Variants in CHRDL1 observed in about 807,000 individuals in gnomAD.
CHRDL1 encodes the protein chordin like 1.
Under a neutral mutation model 40.9 loss-of-function variants are expected in CHRDL1, and 19 were observed. That is an observed-to-expected ratio of 0.46 (90% CI 0.32 to 0.68). The LOEUF is 0.68. Ranked by LOEUF, CHRDL1 falls within the 30% of genes least tolerant of loss-of-function variation. The pLI is 0.03. For missense variants in CHRDL1, 329 were observed against 352.1 expected (o/e 0.93, Z 0.53); for synonymous variants, 136 against 123.4 (o/e 1.10, Z -0.68).
intron 3 of CHRDL1, among the ~76,000 whole-genome samples, chrX:110,761,828 T>C (rs755056125): frequency 8.9e-6 from 1 of 112,526 alleles, no homozygotes; most frequent in Non-Finnish European, 1.9e-5. Flanking sequence ...GCTTTATCTA[T>C]TGCAAAGATG....
At chrX:110,689,640 A>ATATATC (rs1569461901) in intron 8 of CHRDL1, among the ~76,000 whole-genome samples, 1 of 13,528 alleles carries the variant, frequency 7.4e-5, no homozygotes. Context: ...CTATATATCT[A>ATATATC]TATATATCTA....
intron 8 of CHRDL1, 46 bp from the exon 9 acceptor site, chrX:110,688,849 A>C (rs752803439): frequency 2.2e-5 from 21 of 976,160 alleles, no homozygotes; most frequent in Non-Finnish European, 2.8e-5. Flanking sequence ...AGGAGCTAAA[A>C]TGGAACCCTA....
intron 6 of CHRDL1, among the ~76,000 whole-genome samples, chrX:110,711,471 TA>T (rs767174944): frequency 5.4e-5 from 6 of 111,774 alleles, no homozygotes; most frequent in Non-Finnish European, 1.1e-4. Flanking sequence ...AGGTTTCAGT[TA>T]TACAAGATGA....
At chrX:110,773,204 A>C (rs2089787677) in intron 2 of CHRDL1, among the ~76,000 whole-genome samples, 1 of 112,119 alleles carries the variant, frequency 8.9e-6, no homozygotes. Context: ...CTTTTAATAT[A>C]TTAATTCCTT....
intron 9 of CHRDL1, among the ~76,000 whole-genome samples, chrX:110,684,713 G>T (rs73260103): frequency 0.023 from 2,607 of 112,650 alleles, 29 homozygotes; most frequent in South Asian, 0.041. Context: ...CACACAGTAG[G>T]TACTTAAAAC....
intron 6 of CHRDL1, among the ~76,000 whole-genome samples, chrX:110,717,597 G>A (rs771096048): frequency 2.7e-5 from 3 of 111,475 alleles, no homozygotes; most frequent in Admixed American, 9.5e-5. Flanking sequence ...ATTCTTAACC[G>A]CTCTCTGCCT....
chrX:110,730,511 G>A (rs1157248509), intron 4 of CHRDL1, among the ~76,000 whole-genome samples: 1 of 111,677 alleles, frequency 9.0e-6, no homozygotes, highest in Non-Finnish European at 1.9e-5. Flanking sequence ...TTGTGATTAT[G>A]AGTAGTCCTA....
chrX:110,679,573 T>G (rs2069851740), intron 10 of CHRDL1, 148 bp from the exon 11 acceptor site: 1 of 458,222 alleles, frequency 2.2e-6, no homozygotes, highest in Admixed American at 3.6e-5. Flanking sequence ...AACCAGGAAC[T>G]TGGATGGCTC....
chrX:110,730,964 T>C lies in CHRDL1; in HGVS notation c.302-9434A>G, dbSNP rs776618420. ...CTCCCACCCTTCGTTGCCCAGCTCT[T>C]GTCTTGCCTTTTCAAGAAAACTTCA... is the stretch of plus-strand genomic sequence containing the variant. On this transcript the variant is annotated intron_variant, in intron 4 of 11. Coordinates refer to ENST00000372042, the MANE Select transcript of CHRDL1 (RefSeq NM_001143981.2). Among the ~76,000 whole-genome samples the C allele has an allele frequency of 2.0e-3, 227 of 111,723 alleles. 2 individuals are homozygous for C. Among genetic ancestry groups the C allele is most frequent in the Non-Finnish European group, 3.6e-3 (194 of 53,214 alleles).
At chrX:110,714,881 C>T (rs949908658) in intron 6 of CHRDL1, among the ~76,000 whole-genome samples, 4 of 111,497 alleles carry the variant, frequency 3.6e-5, no homozygotes, top group East Asian at 2.8e-4. Flanking sequence ...ATGAGTAATA[C>T]GCTTATATAA....
intron 2 of CHRDL1, among the ~76,000 whole-genome samples, chrX:110,778,440 T>A (rs756335779): frequency 2.3e-4 from 26 of 111,505 alleles, no homozygotes; most frequent in African/African-American, 8.4e-4. Context: ...AAAAAGCAGA[T>A]AAAGGACATG....
chrX:110,697,022 G>T (rs1457590311), intron 7 of CHRDL1, among the ~76,000 whole-genome samples: 3 of 111,627 alleles, frequency 2.7e-5, no homozygotes, highest in Non-Finnish European at 5.6e-5. Flanking sequence ...ACGCCCTGAA[G>T]TTGTAAGTGA....
chrX:110,734,768 G>C (rs150696126), intron 4 of CHRDL1, among the ~76,000 whole-genome samples: 8 of 111,922 alleles, frequency 7.1e-5, no homozygotes, highest in African/African-American at 1.3e-4. Context: ...TGTGAACTTG[G>C]ATTATGTAGC....
At chrX:110,791,946 GC>G (rs1602437133) in intron 2 of CHRDL1, 141 bp downstream of exon 2, 5 of 433,878 alleles carry the variant, frequency 1.2e-5, no homozygotes, top group Non-Finnish European at 2.0e-5. Context: ...ATCAATTCAT[GC>G]ATAAACCAGT....
chrX:110,718,475 A>G (rs960464308), intron 6 of CHRDL1, among the ~76,000 whole-genome samples: 5 of 112,381 alleles, frequency 4.4e-5, no homozygotes, highest in East Asian at 2.8e-4. Flanking sequence ...TGCATGGTCT[A>G]ATTCCTAGTT....
chrX:110,777,525 C>T (rs2089871867), intron 2 of CHRDL1, among the ~76,000 whole-genome samples: 1 of 111,658 alleles, frequency 9.0e-6, no homozygotes, highest in African/African-American at 3.2e-5. Flanking sequence ...TGTCAGTGTT[C>T]TGGATTTTGG....
intron 4 of CHRDL1, among the ~76,000 whole-genome samples, chrX:110,751,028 C>A (rs2089349267): frequency 9.0e-6 from 1 of 111,429 alleles, no homozygotes; most frequent in Non-Finnish European, 1.9e-5. Context: ...TTCTCAAAAT[C>A]TCCCCTGGGC....
intron 2 of CHRDL1, among the ~76,000 whole-genome samples, chrX:110,769,621 A>G (rs2089720360): frequency 1.8e-5 from 2 of 112,237 alleles, no homozygotes; most frequent in East Asian, 2.8e-4. Context: ...TTATAGTTCT[A>G]TGTGGCTGGG....
intron 4 of CHRDL1, among the ~76,000 whole-genome samples, chrX:110,749,999 A>G (rs1202545370): frequency 9.0e-6 from 1 of 111,373 alleles, no homozygotes; most frequent in East Asian, 2.8e-4. Flanking sequence ...CCTAAATACT[A>G]CTGGTGTTCT....
Sources: gnomAD v4.1 joint callset for allele counts (sites outside exome capture counted in the v4.1 genomes callset) on GRCh38, gnomAD v4.1.1 for gene constraint, MANE v1.5 for transcripts, NCBI Gene and HGNC (gene_info 2026-07-23, HGNC 2026-07-21) for gene names.